HERC5: variants seen among roughly 807,000 people sequenced by gnomAD.
HERC5 encodes the protein E3 ISG15--protein ligase HERC5.
In HERC5, 99 loss-of-function variants were observed where a neutral mutation model predicts 119.6. That is an observed-to-expected ratio of 0.83 (90% CI 0.70 to 0.98). HERC5 has a LOEUF of 0.98. HERC5 is among the 50% of genes least tolerant of loss of function. HERC5 has a pLI of 0.00. For missense variants in HERC5, 1,267 were observed against 1,241.3 expected (o/e 1.02, Z -0.31); for synonymous variants, 478 against 445.9 (o/e 1.07, Z -0.91).
chr4:88,492,096 C>T (rs1467255545), intron 16 of HERC5, among the ~76,000 whole-genome samples: 4 of 151,930 alleles, frequency 2.6e-5, no homozygotes, highest in East Asian at 1.9e-4. Flanking sequence ...CTTCATCTCC[C>T]GGGTTCAAGT....
Position 88,505,774 on chromosome 4 carries a change from G to A in HERC5, c.2971G>A (p.Ala991Thr), listed in dbSNP as rs781393962. 59 of 1,607,182 alleles carry A rather than the reference G, an allele frequency of 3.7e-5. No individual in the cohort carries two copies. The highest frequency in any genetic ancestry group is 4.9e-5 in the Non-Finnish European group (58 of 1,173,784). The change falls in exon 23 of 23, where the codon GCA (alanine) becomes ACA (threonine). Residue 991 changes from alanine (A) to threonine (T), a missense_variant. Ala to Thr is a moderately conservative substitution (Grantham distance 58, BLOSUM62 0). Around this residue, in one of 3 missense-constraint regions of HERC5, gnomAD observed 473 missense variants for 445.7 expected, o/e 1.06. Coordinates refer to ENST00000264350, the MANE Select transcript of HERC5 (RefSeq NM_016323.4). ...ESWNERDPIRALTCFSVLFLP... is the reference protein window; with the variant it reads ...ESWNERDPIRTLTCFSVLFLP... Reference sequence around the variant, plus strand: ...TTGGAATGAAAGAGACCCTATAAGAGCACTGACATGTTTCAGTGTCCTCTT... The same window carrying A: ...TTGGAATGAAAGAGACCCTATAAGAACACTGACATGTTTCAGTGTCCTCTT...
chr4:88,465,069 C>T (rs982311582), intron 6 of HERC5, among the ~76,000 whole-genome samples: 26 of 152,172 alleles, frequency 1.7e-4, no homozygotes, highest in African/African-American at 6.0e-4. Flanking sequence ...TGCACCTGGC[C>T]ACAACCGGCT....
intron 12 of HERC5, among the ~76,000 whole-genome samples, chr4:88,478,768 G>A (rs774613324): frequency 2.6e-5 from 4 of 151,894 alleles, no homozygotes; most frequent in South Asian, 2.1e-4. Context: ...GTGCCACCAC[G>A]CCCTGCTAAT....
intron 11 of HERC5, among the ~76,000 whole-genome samples, chr4:88,475,154 T>A (rs2149094781): frequency 6.6e-6 from 1 of 150,714 alleles, no homozygotes; most frequent in Non-Finnish European, 1.5e-5. Context: ...GTTTTTCTGC[T>A]TTTTGGAGTT....
At chr4:88,472,856 T>G (rs997557646) in intron 11 of HERC5, among the ~76,000 whole-genome samples, 4 of 151,922 alleles carry the variant, frequency 2.6e-5, no homozygotes, top group Admixed American at 6.6e-5. Flanking sequence ...ATGCAAAGCA[T>G]AAATGTAGAA....
chr4:88,464,742 C>T (rs945577705), intron 6 of HERC5, among the ~76,000 whole-genome samples: 2 of 151,804 alleles, frequency 1.3e-5, no homozygotes, highest in Non-Finnish European at 2.9e-5. Flanking sequence ...GCGTGCACTG[C>T]CACAACTGGC....
chr4:88,492,717 G>A (rs1348720382), intron 16 of HERC5, among the ~76,000 whole-genome samples: 1 of 152,104 alleles, frequency 6.6e-6, no homozygotes, highest in African/African-American at 2.4e-5. Context: ...CTGCACTCCA[G>A]CCTAGACAAC....
intron 17 of HERC5, among the ~76,000 whole-genome samples, chr4:88,493,795 G>C (rs913185028): frequency 1.3e-5 from 2 of 151,686 alleles, no homozygotes. Context: ...TGTATTTTTT[G>C]TAGAGATGGG....
Position 88,494,189 on chromosome 4 carries a change from T to G in HERC5, c.2302T>G (p.Phe768Val), listed in dbSNP as rs201548154. The change falls in exon 18 of 23, where the codon TTC becomes GTC. Residue 768 changes from phenylalanine (F) to valine (V), a missense_variant. Physicochemically the swap from Phe to Val is conservative, Grantham distance 50. This residue lies in a region of HERC5 where 473 missense variants were observed against 445.7 expected (regional missense o/e 1.06). Transcript: ENST00000264350. ...VKPKFEKKRY[F>V]FFGVLCGLSL... Reference sequence around the variant, plus strand: ...GCCTAAATTTGAGAAGAAAAGATACTTCTTTTTTGGGGTTCTATGTGGACT... The same window carrying G: ...GCCTAAATTTGAGAAGAAAAGATACGTCTTTTTTGGGGTTCTATGTGGACT... The G allele has an allele frequency of 6.2e-7, 1 of 1,609,098 alleles. No homozygotes were observed. Among genetic ancestry groups the G allele is most frequent in the Non-Finnish European group, 8.5e-7 (1 of 1,178,474 alleles).
chr4:88,468,109 T>A (rs1740738656), intron 7 of HERC5, among the ~76,000 whole-genome samples: 1 of 152,206 alleles, frequency 6.6e-6, no homozygotes, highest in African/African-American at 2.4e-5. Flanking sequence ...ATATTTGTAT[T>A]ATGTATATTA....
intron 20 of HERC5, among the ~76,000 whole-genome samples, chr4:88,501,998 C>T (rs1427652528): frequency 2.0e-5 from 3 of 152,148 alleles, no homozygotes; most frequent in East Asian, 1.9e-4. Flanking sequence ...CAGGGTTTCA[C>T]CGTGTTAGCC....
At chr4:88,492,465 C>A (rs753726190) in intron 16 of HERC5, among the ~76,000 whole-genome samples, 1 of 150,640 alleles carries the variant, frequency 6.6e-6, no homozygotes, top group African/African-American at 2.4e-5. Context: ...GGCTGTAGGC[C>A]GGGTGTGGTG....
intron 11 of HERC5, chr4:88,473,664 G>A (rs565651655): frequency 3.3e-5 from 5 of 152,248 alleles, no homozygotes; most frequent in African/African-American, 7.2e-5. Flanking sequence ...ATCAACATTT[G>A]TTAGAGCTCA....
intron 18 of HERC5, among the ~76,000 whole-genome samples, 157 bp from the exon 19 acceptor site, chr4:88,499,769 G>T (rs1741895674): frequency 6.6e-6 from 1 of 152,198 alleles, no homozygotes; most frequent in African/African-American, 2.4e-5. Context: ...TTGAGGTCTG[G>T]CCCTGTTTAG....
intron 12 of HERC5, 112 bp downstream of exon 12, chr4:88,476,142 C>T (rs1320289468): frequency 9.5e-5 from 75 of 785,604 alleles, no homozygotes; most frequent in African/African-American, 7.0e-5. Flanking sequence ...TTTTTTAGTT[C>T]GTATTGTTAG....
At chr4:88,493,842 G>A (rs1741722964) in intron 17 of HERC5, among the ~76,000 whole-genome samples, 1 of 151,768 alleles carries the variant, frequency 6.6e-6, no homozygotes, top group Non-Finnish European at 1.5e-5. Flanking sequence ...TCAAACTCCT[G>A]ACCTCAGGTT....
rs528508527 is a variant in HERC5, at chr4:88,504,072, A to G, written c.2583-160A>G. 3.3e-5 allele frequency among the ~76,000 whole-genome samples: 5 copies of G among 152,324 alleles called. No homozygotes were observed. In the South Asian group the frequency reaches 1.0e-3, roughly 32 times the overall value. On this transcript the variant is annotated intron_variant, in intron 20 of 22. Coordinates refer to ENST00000264350, the MANE Select transcript of HERC5 (RefSeq NM_016323.4). Reference sequence around the variant, plus strand: ...ACAGTGCGAGACTCCGTCTCAAAAAAAAAAAAAAATTACATTAGATAATCT... The same window carrying G: ...ACAGTGCGAGACTCCGTCTCAAAAAGAAAAAAAAATTACATTAGATAATCT...
intron 13 of HERC5, among the ~76,000 whole-genome samples, chr4:88,483,342 G>A (rs1287769540): frequency 6.6e-6 from 1 of 151,220 alleles, no homozygotes; most frequent in Non-Finnish European, 1.5e-5. Context: ...CTGAGTAGCT[G>A]GGACTATAGG....
intron 1 of HERC5, 131 bp downstream of exon 1, chr4:88,457,665 C>G (rs1015489706): frequency 2.9e-6 from 3 of 1,021,668 alleles, no homozygotes; most frequent in African/African-American, 1.7e-5. Context: ...GCGCCTGGCT[C>G]GGATAGTTTC....
Sources: allele counts gnomAD v4.1 joint callset (sites outside exome capture counted in the v4.1 genomes callset), GRCh38; gene constraint gnomAD v4.1.1; regional missense constraint gnomAD v4.1.1; transcripts MANE v1.5; gene names NCBI Gene and HGNC (gene_info 2026-07-23, HGNC 2026-07-21).